The following TENM3 variants were observed in gnomAD, a reference collection of about 807,000 sequenced individuals.
TENM3 encodes teneurin transmembrane protein 3, also known as teneurin-3.
In TENM3, 63 loss-of-function variants were observed where a neutral mutation model predicts 255.1. That is an observed-to-expected ratio of 0.25 (90% CI 0.20 to 0.30). TENM3 has a LOEUF of 0.30. Among genes scored for constraint, TENM3 ranks in the 10% least tolerant of loss-of-function variants. The pLI is 1.00. For missense variants in TENM3, 2,929 were observed against 3,461.1 expected, an observed-to-expected ratio of 0.85 and a Z score of 3.86; for synonymous variants, 1,306 against 1,322.3, an observed-to-expected ratio of 0.99 and a Z score of 0.27.
At chr4:181,963,754 G>A in the TENM3 span, among the ~76,000 whole-genome samples, 1 of 152,160 alleles carries the variant, frequency 6.6e-6, no homozygotes, top group Non-Finnish European at 1.5e-5. Flanking sequence ...TTGGTGAGAA[G>A]AGATAATTAA....
intron 3 of TENM3, among the ~76,000 whole-genome samples, chr4:182,457,189 A>G (rs1773945657): frequency 6.7e-6 from 1 of 150,246 alleles, no homozygotes; most frequent in African/African-American, 2.4e-5. Context: ...TGTCTCTCAA[A>G]AAAAAAAAAA....
chr4:181,749,984 A>G, the TENM3 span, among the ~76,000 whole-genome samples: 4 of 152,134 alleles, frequency 2.6e-5, no homozygotes, highest in African/African-American at 9.7e-5. Context: ...ATCCCTTATT[A>G]AAAAGAAATC....
chr4:182,196,303 A>G (rs1753830476), intron 1 of TENM3, among the ~76,000 whole-genome samples: 1 of 152,108 alleles, frequency 6.6e-6, no homozygotes. Flanking sequence ...TCCTAGATGT[A>G]ACATTCAGAT....
At chr4:182,167,883 T>G (rs1230969189) in intron 1 of TENM3, among the ~76,000 whole-genome samples, 1 of 151,894 alleles carries the variant, frequency 6.6e-6, no homozygotes. Flanking sequence ...GACCTTGTCT[T>G]AAATAAATAA....
the TENM3 span, among the ~76,000 whole-genome samples, chr4:181,807,721 C>T: frequency 3.9e-5 from 6 of 152,176 alleles, no homozygotes; most frequent in Non-Finnish European, 8.8e-5. Flanking sequence ...ATCAAAAGAA[C>T]ATTATTGGGA....
At chr4:181,748,108 A>AT in the TENM3 span, among the ~76,000 whole-genome samples, 1 of 151,980 alleles carries the variant, frequency 6.6e-6, no homozygotes, top group Non-Finnish European at 1.5e-5. Context: ...TCTCCTAGTA[A>AT]TTTTTAAATA....
intron 3 of TENM3, among the ~76,000 whole-genome samples, chr4:182,351,571 G>A (rs1049395927): frequency 2.0e-4 from 30 of 152,186 alleles, no homozygotes; most frequent in African/African-American, 4.8e-4. Context: ...TTGGAGTCTA[G>A]TTCCTTCTTC....
At chr4:181,956,803 A>C in the TENM3 span, among the ~76,000 whole-genome samples, 1 of 152,314 alleles carries the variant, frequency 6.6e-6, no homozygotes, top group Middle Eastern at 3.4e-3. Context: ...TATTAATAGT[A>C]CTGCAGATGT....
the TENM3 span, among the ~76,000 whole-genome samples, chr4:181,595,581 T>C: frequency 6.6e-6 from 1 of 152,022 alleles, no homozygotes; most frequent in Non-Finnish European, 1.5e-5. Context: ...ATCTCAGGCA[T>C]AATGAACCAA....
chr4:182,389,906 C>T (rs1010841823), intron 3 of TENM3, among the ~76,000 whole-genome samples: 1 of 152,056 alleles, frequency 6.6e-6, no homozygotes, highest in Non-Finnish European at 1.5e-5. Context: ...AGGATGGTCT[C>T]CGTCTCCTGA....
intron 1 of TENM3, among the ~76,000 whole-genome samples, chr4:182,167,925 A>G (rs1751832479): frequency 6.6e-6 from 1 of 152,108 alleles, no homozygotes; most frequent in South Asian, 2.1e-4. Flanking sequence ...TAGAACTATA[A>G]TTGTTTTATG....
At chr4:181,751,822 G>T in the TENM3 span, among the ~76,000 whole-genome samples, 1 of 152,152 alleles carries the variant, frequency 6.6e-6, no homozygotes. Flanking sequence ...TTTTGATTGA[G>T]AATTTTTGTC....
chr4:182,055,177 T>A, the TENM3 span, among the ~76,000 whole-genome samples: 2 of 151,828 alleles, frequency 1.3e-5, no homozygotes, highest in African/African-American at 2.4e-5. Context: ...TGAGATCCCA[T>A]CCCTACAAAA....
At chr4:181,670,181 A>G in the TENM3 span, among the ~76,000 whole-genome samples, 5 of 152,188 alleles carry the variant, frequency 3.3e-5, no homozygotes, top group Admixed American at 2.0e-4. Context: ...AATGAATACC[A>G]TTTCATAATT....
the TENM3 span, among the ~76,000 whole-genome samples, chr4:181,660,250 ACAGT>A: frequency 2.0e-5 from 3 of 152,170 alleles, no homozygotes; most frequent in East Asian, 5.8e-4. Flanking sequence ...GGTTTTGCAA[ACAGT>A]CAGTCCCTTT....
At chr4:182,324,691 A>G (rs1201024673) in intron 2 of TENM3, among the ~76,000 whole-genome samples, 5 of 152,196 alleles carry the variant, frequency 3.3e-5, no homozygotes, top group African/African-American at 1.2e-4. Flanking sequence ...AGTGTGGCTT[A>G]TTACCCCAGA....
chr4:181,546,444 G>A, the TENM3 span, among the ~76,000 whole-genome samples: 3 of 152,204 alleles, frequency 2.0e-5, no homozygotes, highest in South Asian at 2.1e-4. Context: ...GGCTGAGCGC[G>A]GTGGCTCACG....
intron 3 of TENM3, among the ~76,000 whole-genome samples, chr4:182,555,191 C>G (rs919255018): frequency 6.6e-6 from 1 of 152,038 alleles, no homozygotes; most frequent in Non-Finnish European, 1.5e-5. Flanking sequence ...GCAAGCGAGT[C>G]CAAATCATTC....
the TENM3 span, among the ~76,000 whole-genome samples, chr4:181,485,697 A>G: frequency 6.6e-6 from 1 of 152,246 alleles, no homozygotes; most frequent in Admixed American, 6.5e-5. Flanking sequence ...AACACAGTTA[A>G]TTCATTAATG....
Sources: allele counts gnomAD v4.1 joint callset (sites outside exome capture counted in the v4.1 genomes callset), GRCh38; gene constraint gnomAD v4.1.1; transcripts MANE v1.5; gene names NCBI Gene and HGNC (gene_info 2026-07-23, HGNC 2026-07-21).